Variants in OR14I1 observed in about 807,000 individuals in gnomAD.
OR14I1 encodes olfactory receptor family 14 subfamily I member 1, also known as olfactory receptor 14I1.
For synonymous variants in OR14I1, 118 were observed against 71.1 expected, an observed-to-expected ratio of 1.66 and a Z score of -3.32; for missense variants, 279 against 181.8, an observed-to-expected ratio of 1.53 and a Z score of -3.07.
At chr1:248,688,960 T>C in the OR14I1 span, among the ~76,000 whole-genome samples, 1 of 152,210 alleles carries the variant, frequency 6.6e-6, no homozygotes, top group Non-Finnish European at 1.5e-5. Flanking sequence ...CCAGGGAGTG[T>C]AGCCCTTGGG....
chr1:248,682,263 C>T (rs1320417083), exon 1 of OR14I1: 2 of 764,314 alleles, frequency 2.6e-6, no homozygotes, highest in African/African-American at 3.4e-5. Flanking sequence ...TACCAGAAAA[C>T]TCCATCAGCA....
At chr1:248,688,344 G>A in the OR14I1 span, among the ~76,000 whole-genome samples, 12 of 152,350 alleles carry the variant, frequency 7.9e-5, no homozygotes, top group Admixed American at 5.2e-4. Flanking sequence ...TCTGTCCAGA[G>A]AGGTAGACCT....
chr1:248,687,345 G>C, the OR14I1 span, among the ~76,000 whole-genome samples: 1 of 152,140 alleles, frequency 6.6e-6, no homozygotes, highest in Non-Finnish European at 1.5e-5. Flanking sequence ...AGTTTACTTT[G>C]CAGTTACAGC....
exon 1 of OR14I1, chr1:248,681,507 G>A (rs1040308351): frequency 1.3e-6 from 1 of 781,042 alleles, no homozygotes; most frequent in Admixed American, 1.7e-5. Flanking sequence ...AATCCTGAAT[G>A]GACAGAGCTT....
the OR14I1 span, among the ~76,000 whole-genome samples, chr1:248,700,002 C>T: frequency 3.3e-4 from 50 of 152,252 alleles, 1 homozygote; most frequent in South Asian, 8.3e-3. Flanking sequence ...CCTCGTGATC[C>T]GCCTGCCTTG....
the OR14I1 span, among the ~76,000 whole-genome samples, chr1:248,689,341 T>C: frequency 6.6e-6 from 1 of 152,158 alleles, no homozygotes; most frequent in African/African-American, 2.4e-5. Flanking sequence ...CTAGAGCCCT[T>C]GGATTCAAAA....
the OR14I1 span, among the ~76,000 whole-genome samples, chr1:248,694,555 T>A: frequency 6.6e-6 from 1 of 152,200 alleles, no homozygotes; most frequent in Non-Finnish European, 1.5e-5. Flanking sequence ...TTTTTCCCCT[T>A]AAAAGTACAT....
downstream of OR14I1, among the ~76,000 whole-genome samples, chr1:248,679,125 T>C (rs2103130731): frequency 6.6e-6 from 1 of 152,322 alleles, no homozygotes; most frequent in Middle Eastern, 3.4e-3. Flanking sequence ...AATGGAAATG[T>C]TGAATGCCAG....
downstream of OR14I1, among the ~76,000 whole-genome samples, chr1:248,680,437 CTAAGAA>C (rs1426043895): frequency 2.0e-5 from 3 of 152,164 alleles, no homozygotes; most frequent in Non-Finnish European, 4.4e-5. Flanking sequence ...CCTGAACCAA[CTAAGAA>C]TATCAGTGTT....
chr1:248,692,483 C>CA, the OR14I1 span: 1 of 152,666 alleles, frequency 6.6e-6, no homozygotes, highest in African/African-American at 2.4e-5. Flanking sequence ...TCTGAATCCC[C>CA]ACCTGCTTTC....
chr1:248,686,420 C>A (rs1314576387), upstream of OR14I1, among the ~76,000 whole-genome samples: 1 of 152,032 alleles, frequency 6.6e-6, no homozygotes, highest in African/African-American at 2.4e-5. Context: ...GAAGAGCTGC[C>A]CTTTATCCCA....
the OR14I1 span, among the ~76,000 whole-genome samples, chr1:248,693,888 C>G: frequency 2.0e-5 from 3 of 148,714 alleles, no homozygotes; most frequent in African/African-American, 7.6e-5. Flanking sequence ...AAATCAAAGT[C>G]CAGAACTTTT....
At chr1:248,700,003 G>A in the OR14I1 span, among the ~76,000 whole-genome samples, 31 of 152,206 alleles carry the variant, frequency 2.0e-4, no homozygotes, top group African/African-American at 6.3e-4. Context: ...CTCGTGATCC[G>A]CCTGCCTTGG....
chr1:248,693,911 A>C, the OR14I1 span, among the ~76,000 whole-genome samples: 2 of 152,006 alleles, frequency 1.3e-5, no homozygotes, highest in Non-Finnish European at 2.9e-5. Flanking sequence ...AAAAAAAAAA[A>C]AAAAACCATT....
At chr1:248,683,136 G>A (rs1253175435), upstream of OR14I1, among the ~76,000 whole-genome samples, 2 of 152,142 alleles carry the variant, frequency 1.3e-5, no homozygotes, top group African/African-American at 4.8e-5. Flanking sequence ...TGCACTGAAA[G>A]AGCCAGCACC....
exon 1 of OR14I1, chr1:248,682,139 G>C: frequency 1.3e-6 from 1 of 781,042 alleles, no homozygotes. Context: ...AAGTACATGG[G>C]TGTGTGAAGA....
upstream of OR14I1, among the ~76,000 whole-genome samples, chr1:248,683,578 T>C (rs922682144): frequency 6.6e-6 from 1 of 152,246 alleles, no homozygotes; most frequent in African/African-American, 2.4e-5. Context: ...AACCTATGTT[T>C]TATGACAAAT....
exon 1 of OR14I1, chr1:248,682,158 G>A (rs147088930): frequency 4.0e-5 from 31 of 781,052 alleles, no homozygotes; most frequent in African/African-American, 3.7e-4. Context: ...GATGCTGATC[G>A]AGAGTGATGA....
At chr1:248,698,454 T>C in the OR14I1 span, among the ~76,000 whole-genome samples, 3 of 151,894 alleles carry the variant, frequency 2.0e-5, no homozygotes, top group South Asian at 4.1e-4. Flanking sequence ...TTACAAAGAG[T>C]CTACATAACT....
Sources: gnomAD v4.1 joint callset for allele counts (sites outside exome capture counted in the v4.1 genomes callset) on GRCh38, gnomAD v4.1.1 for gene constraint, MANE v1.5 for transcripts, NCBI Gene and HGNC (gene_info 2026-07-23, HGNC 2026-07-21) for gene names.